The following MCOLN2 variants were observed in gnomAD, a reference collection of about 807,000 sequenced individuals.
MCOLN2 encodes mucolipin-2.
A neutral mutation model predicts 67.5 loss-of-function variants in MCOLN2; 57 were observed. The observed-to-expected ratio is 0.84, with a 90% CI of 0.68 to 1.05. The LOEUF (loss-of-function observed/expected upper bound fraction) is 1.05, where lower values mean the gene tolerates loss of function less well. MCOLN2 is among the 50% of genes least tolerant of loss of function. The pLI is 0.00. For missense variants in MCOLN2, 620 were observed against 678.8 expected (o/e 0.91, Z 0.96); for synonymous variants, 246 against 233.3 (o/e 1.05, Z -0.50).
chr1:84,988,178 G>A (rs977413405), intron 1 of MCOLN2, among the ~76,000 whole-genome samples: 2 of 152,054 alleles, frequency 1.3e-5, no homozygotes, highest in Non-Finnish European at 2.9e-5. Flanking sequence ...TCCATCTTGG[G>A]TGCACAGCAG....
chr1:84,958,747 T>C, intron 2 of MCOLN2, 45 bp from the exon 3 acceptor site: 1 of 1,396,952 alleles, frequency 7.2e-7, no homozygotes, highest in Non-Finnish European at 9.6e-7. Flanking sequence ...ACACCATTTA[T>C]CAGGGGAGGC....
At chr1:84,935,171 G>A (rs1647349664) in intron 11 of MCOLN2, among the ~76,000 whole-genome samples, 1 of 152,104 alleles carries the variant, frequency 6.6e-6, no homozygotes, top group Non-Finnish European at 1.5e-5. Flanking sequence ...AGGATGCAAG[G>A]GGCAATAAAA....
chr1:84,994,807 T>C (rs530814407), intron 1 of MCOLN2, among the ~76,000 whole-genome samples: 1 of 152,324 alleles, frequency 6.6e-6, no homozygotes, highest in South Asian at 2.1e-4. Flanking sequence ...GAACATCTCA[T>C]ATGCATTCAA....
At chr1:84,959,979 C>G (rs556103156) in intron 2 of MCOLN2, among the ~76,000 whole-genome samples, 25 of 152,296 alleles carry the variant, frequency 1.6e-4, no homozygotes, top group South Asian at 6.2e-4. Flanking sequence ...GTGGGAGGAT[C>G]ACTTAAGCCC....
At chr1:84,926,933 A>C (rs12057637) in intron 13 of MCOLN2, among the ~76,000 whole-genome samples, 48,358 of 151,714 alleles carry the variant, frequency 0.32, 8,215 homozygotes, top group East Asian at 0.63. Flanking sequence ...GGCAATGTAC[A>C]CTGTTTGAGG....
At chr1:84,956,317 C>T (rs1259939899) in intron 4 of MCOLN2, 114 bp downstream of exon 4, 18 of 972,730 alleles carry the variant, frequency 1.9e-5, no homozygotes, top group Non-Finnish European at 2.8e-5. Flanking sequence ...CAGCCCCTAA[C>T]AGGTTAGCTC....
chr1:84,933,713 A>G (rs2102803904), intron 11 of MCOLN2, among the ~76,000 whole-genome samples: 1 of 152,288 alleles, frequency 6.6e-6, no homozygotes, highest in Non-Finnish European at 1.5e-5. Flanking sequence ...CCCTAACTCC[A>G]AGCACAACTG....
At chr1:84,937,917 T>A (rs1243568311) in intron 10 of MCOLN2, 40 bp from the exon 11 acceptor site, 6 of 1,613,724 alleles carry the variant, frequency 3.7e-6, no homozygotes, top group Non-Finnish European at 5.1e-6. Flanking sequence ...AAAAAGTAGC[T>A]ATTAGAACCC....
rs565373823 is a variant in MCOLN2, at chr1:84,929,575, G to C, written c.1647C>G (p.Cys549Trp). 5 of 1,613,490 alleles carry C rather than the reference G, an allele frequency of 3.1e-6. No individual in the cohort carries two copies. In the East Asian group the frequency reaches 1.1e-4, roughly 36 times the overall value. Residue 549 changes from cysteine (C) to tryptophan (W), a missense_variant, in exon 13 of 14, where the codon TGC (cysteine) becomes TGG (tryptophan). By Grantham distance (215) the Cys-to-Trp change is radical. Transcript: ENST00000370608. Reference sequence around the variant, plus strand: ...ATACTGACCTCCTCCGACAGCAGATGCAGGACAGGAAGGCTGAGGACTCTT... The same window carrying C: ...ATACTGACCTCCTCCGACAGCAGATCCAGGACAGGAAGGCTGAGGACTCTT... The part of the protein sequence containing the change: ...YQKESSAFLS[C>W]ICCRRRKRSD...
intron 1 of MCOLN2, among the ~76,000 whole-genome samples, chr1:84,973,361 C>T (rs1331531542): frequency 6.6e-6 from 1 of 152,054 alleles, no homozygotes; most frequent in Non-Finnish European, 1.5e-5. Flanking sequence ...GCCTATAGTC[C>T]CAGCTACTCG....
At chr1:84,956,024 A>G (rs567895989) in intron 4 of MCOLN2, among the ~76,000 whole-genome samples, 9 of 152,318 alleles carry the variant, frequency 5.9e-5, no homozygotes, top group African/African-American at 2.2e-4. Context: ...GTTAATCACA[A>G]TTCACCTTTG....
In MCOLN2 at chr1:84,940,812, T is replaced by G. The variant is rs1202350044; in HGVS notation, c.960+67A>C. ...AAAGGCAGGTGCACAATATCGGTGG[T>G]CCACTGCTTGGGCAAACTGAGGGCG... On this transcript the variant is annotated intron_variant, in intron 8 of 13. Coordinates refer to ENST00000370608, the MANE Select transcript of MCOLN2 (RefSeq NM_153259.4). 5 of 1,004,728 alleles carry G rather than the reference T, an allele frequency of 5.0e-6. No homozygotes were observed. In the Admixed American group the frequency reaches 1.1e-4, roughly 22 times the overall value. The allele number at this position is 1,004,728 out of a possible 1,614,324, so 62.2% of individuals were successfully genotyped here.
chr1:84,946,912 A>C (rs752248505), intron 7 of MCOLN2, 121 bp downstream of exon 7: 43 of 592,142 alleles, frequency 7.3e-5, no homozygotes, highest in Non-Finnish European at 1.2e-4. Context: ...TACAGGATCT[A>C]ATGCTCGAGG....
At chr1:84,962,829 G>T (rs1325476855) in intron 2 of MCOLN2, among the ~76,000 whole-genome samples, 1 of 152,226 alleles carries the variant, frequency 6.6e-6, no homozygotes, top group Admixed American at 6.5e-5. Flanking sequence ...CCTGGCTAGA[G>T]AGGTGAAATT....
intron 7 of MCOLN2, among the ~76,000 whole-genome samples, chr1:84,942,714 C>T (rs1647861729): frequency 6.6e-6 from 1 of 152,074 alleles, no homozygotes; most frequent in African/African-American, 2.4e-5. Flanking sequence ...AGAGGGAGGG[C>T]CTTTAAAAGG....
Position 84,996,941 on chromosome 1 carries a change from A to T in MCOLN2, c.-69T>A. ...AGGAAACACCGTTCACGGCCGACTC[A>T]TTTCGCCCTCGCCGTAACGCGTCCG... On this transcript the variant is annotated 5_prime_UTR_variant, in exon 1 of 14. It removes an upstream start codon present in the reference 5' UTR. Coordinates refer to ENST00000370608, the MANE Select transcript of MCOLN2 (RefSeq NM_153259.4). The T allele has an allele frequency of 7.1e-7, 1 of 1,412,798 alleles. No homozygotes were observed. The highest frequency in any genetic ancestry group is 1.0e-6 in the Non-Finnish European group (1 of 1,001,630). The allele number at this position is 1,412,798 out of a possible 1,614,324, so 87.5% of individuals were successfully genotyped here. A position where few individuals can be genotyped will look rare whatever the true frequency, so the allele number is the denominator to read the frequency against.
chr1:84,949,710 T>C (rs1275281950), intron 6 of MCOLN2, among the ~76,000 whole-genome samples: 3 of 151,778 alleles, frequency 2.0e-5, no homozygotes, highest in Non-Finnish European at 4.4e-5. Flanking sequence ...GAATCTCCAT[T>C]AGACTATCAG....
At chr1:84,970,155 G>A (rs751807313) in intron 1 of MCOLN2, among the ~76,000 whole-genome samples, 4 of 152,096 alleles carry the variant, frequency 2.6e-5, no homozygotes, top group Non-Finnish European at 4.4e-5. Flanking sequence ...CATCCCTCCT[G>A]ATGACTCAAA....
intron 11 of MCOLN2, among the ~76,000 whole-genome samples, chr1:84,932,015 C>A (rs1248646829): frequency 6.9e-6 from 1 of 145,754 alleles, no homozygotes; most frequent in Non-Finnish European, 1.5e-5. Context: ...CACAGCGAGA[C>A]CCTGTCTCTT....
Sources: allele counts gnomAD v4.1 joint callset (sites outside exome capture counted in the v4.1 genomes callset), GRCh38; gene constraint gnomAD v4.1.1; transcripts MANE v1.5; gene names NCBI Gene and HGNC (gene_info 2026-07-23, HGNC 2026-07-21).